The following PTPN12 variants were observed in gnomAD, a reference collection of about 807,000 sequenced individuals.
PTPN12 encodes the protein protein tyrosine phosphatase non-receptor type 12.
A neutral mutation model predicts 97.6 loss-of-function variants in PTPN12; 29 were observed. The ratio of observed to expected loss-of-function variants is 0.30; its 90% CI spans 0.22 to 0.41. The LOEUF is 0.41. PTPN12 is among the 10% of genes least tolerant of loss of function. PTPN12 has a pLI of 1.00. For missense variants in PTPN12, 819 were observed against 926.0 expected (o/e 0.88, Z 1.50); for synonymous variants, 327 against 300.4 (o/e 1.09, Z -0.91).
intron 1 of PTPN12, chr7:77,564,028 C>T (rs555022344): frequency 1.2e-4 from 37 of 308,812 alleles, no homozygotes; most frequent in African/African-American, 7.0e-4. Context: ...CGGGCACACA[C>T]CACGAGGCTT....
intron 12 of PTPN12, among the ~76,000 whole-genome samples, chr7:77,625,005 T>G (rs982604302): frequency 6.6e-6 from 1 of 151,828 alleles, no homozygotes; most frequent in East Asian, 2.0e-4. Context: ...TGTGGTGGCA[T>G]GTGCCTGTAG....
intron 1 of PTPN12, among the ~76,000 whole-genome samples, chr7:77,548,586 A>G (rs1354202599): frequency 6.6e-6 from 1 of 152,220 alleles, no homozygotes; most frequent in Non-Finnish European, 1.5e-5. Context: ...GATGCTTTTT[A>G]TATGACATGA....
At chr7:77,619,721 A>G (rs566245852) in intron 12 of PTPN12, among the ~76,000 whole-genome samples, 1 of 152,204 alleles carries the variant, frequency 6.6e-6, no homozygotes, top group African/African-American at 2.4e-5. Context: ...AAAATTAGTG[A>G]TAATGTATAT....
intron 8 of PTPN12, among the ~76,000 whole-genome samples, chr7:77,604,578 A>C (rs1327917408): frequency 6.6e-6 from 1 of 151,966 alleles, no homozygotes; most frequent in Non-Finnish European, 1.5e-5. Context: ...TCATGTTGTA[A>C]GTACCATGGT....
intron 9 of PTPN12, among the ~76,000 whole-genome samples, chr7:77,610,260 C>A (rs1359473585): frequency 1.3e-5 from 2 of 152,208 alleles, no homozygotes; most frequent in African/African-American, 4.8e-5. Flanking sequence ...CCAGGAGATA[C>A]TGGCCAATAG....
intron 1 of PTPN12, among the ~76,000 whole-genome samples, chr7:77,544,877 A>G (rs1283999161): frequency 1.3e-5 from 2 of 152,230 alleles, no homozygotes. Flanking sequence ...TGAATTCTTC[A>G]GTGGTCCAAG....
chr7:77,602,680 C>G (rs181258011), intron 8 of PTPN12, among the ~76,000 whole-genome samples: 145 of 151,476 alleles, frequency 9.6e-4, no homozygotes, highest in African/African-American at 3.0e-3. Flanking sequence ...TATTTTGAAA[C>G]CTAATTTTTG....
chr7:77,568,248 C>T (rs1808337401), intron 1 of PTPN12, among the ~76,000 whole-genome samples: 1 of 152,146 alleles, frequency 6.6e-6, no homozygotes, highest in Non-Finnish European at 1.5e-5. Flanking sequence ...CGCAAAAGTT[C>T]TCAAGGTTCA....
intron 6 of PTPN12, among the ~76,000 whole-genome samples, chr7:77,594,623 C>G (rs1787968804): frequency 6.6e-6 from 1 of 152,140 alleles, no homozygotes; most frequent in South Asian, 2.1e-4. Context: ...GTGATTCTCT[C>G]ACCTCAGCTT....
At chr7:77,561,588 A>T (rs1807997393) in intron 1 of PTPN12, among the ~76,000 whole-genome samples, 1 of 151,880 alleles carries the variant, frequency 6.6e-6, no homozygotes, top group African/African-American at 2.4e-5. Context: ...TACACAAGTG[A>T]CTCTTCCTGT....
chr7:77,596,491 T>C (rs1788027261), intron 6 of PTPN12, among the ~76,000 whole-genome samples: 1 of 152,196 alleles, frequency 6.6e-6, no homozygotes, highest in Admixed American at 6.5e-5. Flanking sequence ...CTATATAGCC[T>C]TGGCCTCACT....
chr7:77,585,602 T>C, intron 5 of PTPN12, 21 bp downstream of exon 5: 2 of 1,568,386 alleles, frequency 1.3e-6, no homozygotes, highest in Non-Finnish European at 1.8e-6. Flanking sequence ...TCTATTCCTC[T>C]TACTATTTCA....
At chr7:77,594,279 T>C (rs1224836336) in intron 6 of PTPN12, among the ~76,000 whole-genome samples, 1 of 152,036 alleles carries the variant, frequency 6.6e-6, no homozygotes, top group Non-Finnish European at 1.5e-5. Context: ...CCGGGCAAAA[T>C]AGTGAGACAT....
At chr7:77,623,156 A>G (rs907559398) in intron 12 of PTPN12, among the ~76,000 whole-genome samples, 4 of 152,234 alleles carry the variant, frequency 2.6e-5, no homozygotes, top group Non-Finnish European at 4.4e-5. Context: ...AAGTTACATT[A>G]TGAAATTATA....
At chr7:77,563,744 G>T (rs1766401061) in intron 1 of PTPN12, among the ~76,000 whole-genome samples, 1 of 152,156 alleles carries the variant, frequency 6.6e-6, no homozygotes, top group Non-Finnish European at 1.5e-5. Context: ...AAAAAAAAGG[G>T]AGAGAATTAG....
chr7:77,573,100 A>AAAC (rs1554314846), intron 2 of PTPN12, among the ~76,000 whole-genome samples: 2 of 125,074 alleles, frequency 1.6e-5, no homozygotes, highest in East Asian at 4.6e-4. Context: ...AAAAAAACAA[A>AAAC]AAAACAAAAA....
At chr7:77,605,629 G>A (rs1489538844) in intron 8 of PTPN12, among the ~76,000 whole-genome samples, 1 of 151,042 alleles carries the variant, frequency 6.6e-6, no homozygotes, top group East Asian at 1.9e-4. Flanking sequence ...GTTTCACCAC[G>A]TTGGCCAGGC....
chr7:77,537,946 G>A, intron 1 of PTPN12: 1 of 762,760 alleles, frequency 1.3e-6, no homozygotes, highest in Non-Finnish European at 1.6e-6. Context: ...TTGTTTACCG[G>A]GCCGGGAGCC....
intron 2 of PTPN12, among the ~76,000 whole-genome samples, chr7:77,580,493 A>G (rs929258077): frequency 6.6e-6 from 1 of 152,196 alleles, no homozygotes; most frequent in African/African-American, 2.4e-5. Context: ...TGTAATAAGT[A>G]CACTTGGAAT....
Sources: allele counts gnomAD v4.1 joint callset (sites outside exome capture counted in the v4.1 genomes callset), GRCh38; gene constraint gnomAD v4.1.1; transcripts MANE v1.5; gene names NCBI Gene and HGNC (gene_info 2026-07-23, HGNC 2026-07-21).